The following CEP70 variants were observed in gnomAD, a reference collection of about 807,000 sequenced individuals.
CEP70 encodes centrosomal protein 70, also known as centrosomal protein of 70 kDa.
CEP70 carries 70 observed loss-of-function variants against 90.9 expected under a neutral mutation model. The ratio of observed to expected loss-of-function variants is 0.77; its 90% CI spans 0.64 to 0.94. The LOEUF (loss-of-function observed/expected upper bound fraction) is 0.94, where lower values mean the gene tolerates loss of function less well. CEP70 is among the 40% of genes least tolerant of loss of function. CEP70 has a pLI of 0.00. For synonymous variants in CEP70, 220 were observed against 228.3 expected (o/e 0.96, Z 0.33); for missense variants, 648 against 669.0 (o/e 0.97, Z 0.35).
intron 1 of CEP70, among the ~76,000 whole-genome samples, chr3:138,592,791 C>T (rs1319560159): frequency 1.3e-5 from 2 of 152,054 alleles, no homozygotes; most frequent in Non-Finnish European, 2.9e-5. Context: ...AAACCATGGC[C>T]AATAACTGTT....
At chr3:138,518,575 C>A (rs2036287829) in intron 11 of CEP70, among the ~76,000 whole-genome samples, 1 of 152,204 alleles carries the variant, frequency 6.6e-6, no homozygotes, top group East Asian at 1.9e-4. Context: ...CAAACAGGGT[C>A]TGGAGTGGAC....
chr3:138,538,298 C>T (rs147949601), intron 6 of CEP70, among the ~76,000 whole-genome samples: 6 of 152,242 alleles, frequency 3.9e-5, no homozygotes, highest in African/African-American at 1.2e-4. Context: ...TCAGCAGCAC[C>T]ACACTGTAGG....
At chr3:138,501,051 A>T (rs1391884246) in intron 13 of CEP70, among the ~76,000 whole-genome samples, 170 bp from the exon 14 acceptor site, 2 of 151,774 alleles carry the variant, frequency 1.3e-5, no homozygotes, top group Non-Finnish European at 2.9e-5. Context: ...CATTTTTTTT[A>T]AATAAAAATA....
Position 138,526,807 on chromosome 3 carries a change from C to G in CEP70, c.870-1243G>C, listed in dbSNP as rs2037296767. Among the ~76,000 whole-genome samples the G allele has an allele frequency of 3.3e-5, 5 of 152,088 alleles. No homozygotes were observed. In the South Asian group the frequency reaches 1.0e-3, roughly 32 times the overall value. ...ATTAATGTATTATACATTTCAAAAT[C>G]AATAAGAGTAAATTTCAAATGTTTT... On this transcript the variant is annotated intron_variant, in intron 10 of 17. Coordinates refer to ENST00000264982, the MANE Select transcript of CEP70 (RefSeq NM_024491.4).
intron 6 of CEP70, among the ~76,000 whole-genome samples, chr3:138,556,527 C>CAAAAAA (rs57583939): frequency 2.9e-5 from 2 of 69,608 alleles, no homozygotes; most frequent in Non-Finnish European, 5.0e-5. Context: ...GACTCTGTCT[C>CAAAAAA]AAAAAAAAAA....
chr3:138,535,334 C>G (rs2038171817), intron 7 of CEP70, among the ~76,000 whole-genome samples: 1 of 152,174 alleles, frequency 6.6e-6, no homozygotes, highest in Non-Finnish European at 1.5e-5. Context: ...GTCATTCTTA[C>G]CTTTCACTAA....
At chr3:138,532,739 T>C (rs942075291) in intron 7 of CEP70, among the ~76,000 whole-genome samples, 169 bp from the exon 8 acceptor site, 1 of 152,240 alleles carries the variant, frequency 6.6e-6, no homozygotes, top group Non-Finnish European at 1.5e-5. Context: ...TACTAAGTCA[T>C]ATGTTATATT....
intron 6 of CEP70, among the ~76,000 whole-genome samples, chr3:138,553,208 G>A (rs907200378): frequency 2.6e-4 from 40 of 152,082 alleles, no homozygotes; most frequent in Non-Finnish European, 7.4e-5. Flanking sequence ...GGCTGGGCAC[G>A]ATGGCTCACG....
intron 1 of CEP70, chr3:138,593,917 G>A (rs2042523888): frequency 1.3e-5 from 2 of 152,210 alleles, no homozygotes; most frequent in Non-Finnish European, 2.9e-5. Flanking sequence ...ACCTTGTAAG[G>A]CAAGAATTAC....
At chr3:138,512,743 A>C (rs922316490) in intron 11 of CEP70, among the ~76,000 whole-genome samples, 22 of 152,332 alleles carry the variant, frequency 1.4e-4, no homozygotes, top group African/African-American at 5.1e-4. Context: ...TTCCATGTGC[A>C]GAAACTTTAT....
Position 138,529,244 on chromosome 3 carries a change from G to C in CEP70, c.824C>G (p.Ala275Gly). Residue 275 changes from alanine (A) to glycine (G), a missense_variant, in exon 10 of 18, where the codon GCA becomes GGA. Physicochemically the swap from Ala to Gly is moderately conservative, Grantham distance 60 (BLOSUM62 0). Transcript: ENST00000264982. ...GAGGTTCAGCTTTTCACTTGAAAGT[G>C]CATCAATCTTAGATTTTGATTCCTT... ...QLKESKSKID[A>G]LSSEKLNLQK... is the part of the protein sequence containing the mutation. 6.2e-7 allele frequency: 1 copy of C among 1,609,528 alleles called. No individual in the cohort carries two copies. Among genetic ancestry groups the C allele is most frequent in the South Asian group, 1.1e-5 (1 of 89,888 alleles).
At chr3:138,560,618 G>A (rs550920124) in intron 6 of CEP70, among the ~76,000 whole-genome samples, 61 of 152,236 alleles carry the variant, frequency 4.0e-4, no homozygotes, top group Non-Finnish European at 7.2e-4. Flanking sequence ...GCTAAGATAT[G>A]CTGGCTTGAA....
chr3:138,564,462 A>G (rs911872153), intron 6 of CEP70, among the ~76,000 whole-genome samples: 13 of 152,222 alleles, frequency 8.5e-5, no homozygotes, highest in African/African-American at 3.1e-4. Flanking sequence ...AATACTGGCA[A>G]ACCAAATCCA....
At chr3:138,569,651 T>G in intron 6 of CEP70, among the ~76,000 whole-genome samples, 1 of 152,152 alleles carries the variant, frequency 6.6e-6, no homozygotes, top group East Asian at 1.9e-4. Flanking sequence ...GCGGATCACT[T>G]GAGCTCAGGA....
chr3:138,509,929 A>C (rs2035361820), intron 11 of CEP70, among the ~76,000 whole-genome samples: 1 of 152,196 alleles, frequency 6.6e-6, no homozygotes, highest in East Asian at 1.9e-4. Context: ...ATGGACCCAA[A>C]ATGCAAGAGT....
intron 6 of CEP70, among the ~76,000 whole-genome samples, chr3:138,557,861 A>G (rs1344273441): frequency 6.6e-6 from 1 of 152,232 alleles, no homozygotes; most frequent in African/African-American, 2.4e-5. Flanking sequence ...AGAACATCCA[A>G]TATTAGAGTT....
intron 11 of CEP70, among the ~76,000 whole-genome samples, chr3:138,511,727 C>A (rs927217819): frequency 2.6e-5 from 4 of 152,150 alleles, no homozygotes; most frequent in Admixed American, 1.3e-4. Context: ...CTAGTAGGTA[C>A]TGAGAGCCTT....
intron 17 of CEP70, chr3:138,497,690 AAGG>A: frequency 1.0e-6 from 1 of 985,186 alleles, no homozygotes; most frequent in Non-Finnish European, 1.2e-6. Context: ...AAGAAAAAAA[AAGG>A]AGGGAGGAAG....
chr3:138,514,532 G>C (rs2035828061), intron 11 of CEP70, among the ~76,000 whole-genome samples: 2 of 151,992 alleles, frequency 1.3e-5, no homozygotes, highest in Admixed American at 1.3e-4. Flanking sequence ...CCCAGCATCA[G>C]TAGTACTTTG....
Sources: allele counts gnomAD v4.1 joint callset (sites outside exome capture counted in the v4.1 genomes callset), GRCh38; gene constraint gnomAD v4.1.1; transcripts MANE v1.5; gene names NCBI Gene and HGNC (gene_info 2026-07-23, HGNC 2026-07-21).